Variants in OTOGL observed in about 807,000 individuals in gnomAD.
OTOGL encodes the protein otogelin-like protein.
Under a neutral mutation model 318.5 loss-of-function variants are expected in OTOGL, and 285 were observed. The ratio of observed to expected loss-of-function variants is 0.89; its 90% CI spans 0.81 to 0.99. OTOGL has a LOEUF of 0.99. Ranked by LOEUF, OTOGL falls within the 50% of genes least tolerant of loss-of-function variation. OTOGL has a pLI of 0.00. For missense variants in OTOGL, 2,899 were observed against 2,845.6 expected (o/e 1.02, Z -0.43); for synonymous variants, 987 against 936.5 (o/e 1.05, Z -0.99).
At chr12:80,222,040 AG>A in intron 6 of OTOGL, 50 bp from the exon 7 acceptor site, 1 of 1,523,306 alleles carries the variant, frequency 6.6e-7, no homozygotes. Context: ...GAACATTGCT[AG>A]AAACGTGTAA....
rs1222498361 is a variant in OTOGL, at chr12:80,266,539, C to T, written c.2313C>T (p.Cys771=). The T allele has an allele frequency of 6.2e-6, 10 of 1,613,378 alleles. No homozygotes were observed. Among genetic ancestry groups the T allele is most frequent in the Non-Finnish European group, 8.5e-6 (10 of 1,179,660 alleles). The change falls in exon 21 of 59, where the codon TGC becomes TGT. Residue 771 remains cysteine (C), a synonymous_variant. Transcript: ENST00000547103. ...TTTCTCTCTCTTCCCCGGAGCAGTG[C>T]AGTGATGACTGTGCTGAAGGCTGTA... ...SCISLSSPEQ[C]SDDCAEGCNC...
chr12:80,141,720 A>G (rs1871959290), intron 1 of OTOGL, among the ~76,000 whole-genome samples: 1 of 152,082 alleles, frequency 6.6e-6, no homozygotes, highest in Admixed American at 6.6e-5. Context: ...ACCATTCAAG[A>G]CTTTTTGTAT....
intron 44 of OTOGL, among the ~76,000 whole-genome samples, chr12:80,346,965 C>T (rs1002108578): frequency 6.6e-6 from 1 of 152,180 alleles, no homozygotes; most frequent in Non-Finnish European, 1.5e-5. Flanking sequence ...CAAGCTATCA[C>T]TAAGTCATGT....
intron 47 of OTOGL, 100 bp from the exon 48 acceptor site, chr12:80,356,316 C>A: frequency 1.1e-6 from 1 of 876,638 alleles, no homozygotes; most frequent in Non-Finnish European, 1.8e-6. Flanking sequence ...CATTTCCCGT[C>A]TTTGAGTTTC....
In OTOGL at chr12:80,259,610, C is replaced by A. The variant is rs1882358679; in HGVS notation, c.1889+1608C>A. ...ATGTGTACTCATTGCTCAACTCCCA[C>A]TTATGAGTGAGAACATGCGGTGATT... On this transcript the variant is annotated intron_variant, in intron 18 of 58. Transcript: ENST00000547103. Among the ~76,000 whole-genome samples the A allele has an allele frequency of 2.0e-5, 3 of 152,002 alleles. 1 individual carries two copies. Among genetic ancestry groups the A allele is most frequent in the African/African-American group, 7.2e-5 (3 of 41,398 alleles).
intron 1 of OTOGL, among the ~76,000 whole-genome samples, chr12:80,109,508 G>T (rs941222851): frequency 1.3e-5 from 2 of 152,152 alleles, no homozygotes; most frequent in African/African-American, 2.4e-5. Context: ...TGCCATTGTT[G>T]TTGATCCATG....
At chr12:80,167,465 A>G (rs1873899435) in intron 1 of OTOGL, among the ~76,000 whole-genome samples, 1 of 152,214 alleles carries the variant, frequency 6.6e-6, no homozygotes, top group Admixed American at 6.6e-5. Flanking sequence ...AAGCAAGGCA[A>G]TAAACTGAGT....
chr12:80,133,821 G>A lies in OTOGL; in HGVS notation c.-20+34216G>A, dbSNP rs577760996. Among the ~76,000 whole-genome samples the A allele has an allele frequency of 5.7e-4, 87 of 152,166 alleles. 1 individual carries two copies. Among genetic ancestry groups the A allele is most frequent in the Non-Finnish European group, 1.0e-3 (71 of 68,014 alleles). ...ATACAAAAAATTAGCTGGCTTTTGT[G>A]GTGCACACCTGTAGTCCAGCTACTC... is the stretch of plus-strand genomic sequence containing the variant. On this transcript the variant is annotated intron_variant, in intron 1 of 58. Transcript: ENST00000547103.
chr12:80,259,575 C>G (rs988559495), intron 18 of OTOGL, among the ~76,000 whole-genome samples: 2 of 151,926 alleles, frequency 1.3e-5, no homozygotes, highest in South Asian at 4.1e-4. Context: ...ATACTCCCCT[C>G]TCTGTGTCCA....
At chr12:80,333,552 A>T (rs539812111) in intron 38 of OTOGL, among the ~76,000 whole-genome samples, 2 of 152,130 alleles carry the variant, frequency 1.3e-5, no homozygotes, top group Admixed American at 6.5e-5. Context: ...ACCAATATTT[A>T]TTTAGCACCA....
chr12:80,367,472 A>T, intron 53 of OTOGL, 89 bp from the exon 54 acceptor site: 1 of 1,070,324 alleles, frequency 9.3e-7, no homozygotes, highest in African/African-American at 1.7e-5. Flanking sequence ...CATCGCAATG[A>T]AAACATAGAC....
chr12:80,302,931 C>G (rs1885863176), intron 28 of OTOGL, 148 bp downstream of exon 28: 1 of 752,674 alleles, frequency 1.3e-6, no homozygotes, highest in South Asian at 4.5e-5. Flanking sequence ...TGAAAAAGAA[C>G]TTCACCAACT....
chr12:80,202,440 T>C (rs942405077), intron 1 of OTOGL, among the ~76,000 whole-genome samples: 2 of 151,878 alleles, frequency 1.3e-5, no homozygotes, highest in Admixed American at 1.3e-4. Flanking sequence ...CTGGCTAATT[T>C]TTTTGTATTT....
intron 7 of OTOGL, among the ~76,000 whole-genome samples, chr12:80,223,518 A>T (rs1878554691): frequency 6.6e-6 from 1 of 152,196 alleles, no homozygotes; most frequent in East Asian, 1.9e-4. Flanking sequence ...TCTTTTTCAT[A>T]GTAGTTGTAC....
rs1024889159 is a variant in OTOGL, at chr12:80,174,979, T to TA, written c.-19-34425dup. On this transcript the variant is annotated intron_variant, in intron 1 of 58. Transcript: ENST00000547103. ...AAAATACCTGGGAAAGTTTTTAAAA[T>TA]AAAAAAAAACTTAATGAGTGTTTGC... Among the ~76,000 whole-genome samples, 159 of 150,626 alleles carry TA rather than the reference T, an allele frequency of 1.1e-3. 1 individual carries two copies. Among genetic ancestry groups the TA allele is most frequent in the African/African-American group, 2.8e-3 (114 of 41,130 alleles).
chr12:80,361,737 A>G (rs1890247941), intron 52 of OTOGL, among the ~76,000 whole-genome samples: 1 of 152,180 alleles, frequency 6.6e-6, no homozygotes, highest in Non-Finnish European at 1.5e-5. Context: ...ACTAATATTA[A>G]GCATTTTAAA....
chr12:80,362,136 C>T (rs1029074930), intron 52 of OTOGL, among the ~76,000 whole-genome samples: 2 of 152,156 alleles, frequency 1.3e-5, no homozygotes, highest in Admixed American at 1.3e-4. Context: ...AGTCTTTAAT[C>T]CCCTTGGAGT....
At chr12:80,348,737 T>G (rs1889358481) in intron 44 of OTOGL, among the ~76,000 whole-genome samples, 1 of 152,216 alleles carries the variant, frequency 6.6e-6, no homozygotes, top group African/African-American at 2.4e-5. Context: ...TACACTCTTC[T>G]TGTTTGCTAA....
chr12:80,204,051 G>T (rs1225801724), intron 1 of OTOGL, among the ~76,000 whole-genome samples: 1 of 152,168 alleles, frequency 6.6e-6, no homozygotes, highest in African/African-American at 2.4e-5. Context: ...GGGAGATAAT[G>T]ATAACAATTT....
Sources: allele counts gnomAD v4.1 joint callset (sites outside exome capture counted in the v4.1 genomes callset), GRCh38; gene constraint gnomAD v4.1.1; transcripts MANE v1.5; gene names NCBI Gene and HGNC (gene_info 2026-07-23, HGNC 2026-07-21).